CPEB3: variants seen among roughly 807,000 people sequenced by gnomAD.
CPEB3 encodes the protein cytoplasmic polyadenylation element binding protein 3.
Under a neutral mutation model 67.2 loss-of-function variants are expected in CPEB3, and 20 were observed. The ratio of observed to expected loss-of-function variants is 0.30; its 90% CI spans 0.21 to 0.43. The LOEUF (loss-of-function observed/expected upper bound fraction) is 0.43. Among genes scored for constraint, CPEB3 ranks in the 20% least tolerant of loss-of-function variants. The pLI is 1.00. For missense variants in CPEB3, 746 were observed against 968.6 expected, an observed-to-expected ratio of 0.77 and a Z score of 3.05; for synonymous variants, 376 against 393.1, an observed-to-expected ratio of 0.96 and a Z score of 0.51.
chr10:92,093,916 A>G (rs1843732429), intron 7 of CPEB3, among the ~76,000 whole-genome samples: 1 of 152,094 alleles, frequency 6.6e-6, no homozygotes. Flanking sequence ...GTACAGTGGC[A>G]TGATCTCGGC....
At chr10:92,169,148 T>G (rs969502421) in intron 4 of CPEB3, among the ~76,000 whole-genome samples, 2 of 149,770 alleles carry the variant, frequency 1.3e-5, no homozygotes, top group African/African-American at 4.9e-5. Context: ...TTTGTTGTTT[T>G]TTTTTTTGAG....
intron 6 of CPEB3, among the ~76,000 whole-genome samples, chr10:92,123,455 C>T (rs191608137): frequency 1.9e-4 from 29 of 152,344 alleles, no homozygotes; most frequent in African/African-American, 6.7e-4. Flanking sequence ...AGTGCTTTCA[C>T]ACACTGCCTC....
rs533412524 is a variant in CPEB3 at position 92,084,105 on chromosome 10, C to A, written c.1688-2604G>T. 1.6e-4 allele frequency among the ~76,000 whole-genome samples: 23 copies of A among 143,426 alleles called. No homozygotes were observed. In the South Asian group the frequency reaches 4.9e-3, roughly 31 times the overall value. 94.1% of individuals were successfully genotyped at this position (143,426 alleles called of 152,430 possible). A position where few individuals can be genotyped will look rare whatever the true frequency, so the allele number is the denominator to read the frequency against. On this transcript the variant is annotated intron_variant, in intron 8 of 9. Transcript: ENST00000265997. Reference sequence around the variant, plus strand: ...GCATGAACCTGGGAGCTGGACCTTGCAGTGAGCCGAGATCACGCCACTGCA... The same window carrying A: ...GCATGAACCTGGGAGCTGGACCTTGAAGTGAGCCGAGATCACGCCACTGCA...
At chr10:92,110,984 T>C in intron 7 of CPEB3, 92 bp downstream of exon 7, 1 of 946,884 alleles carries the variant, frequency 1.1e-6, no homozygotes, top group Non-Finnish European at 1.7e-6. Context: ...AGGATCCTAG[T>C]TACCAGCATT....
At chr10:92,138,354 T>C (rs1012036495) in intron 6 of CPEB3, 1 of 206,896 alleles carries the variant, frequency 4.8e-6, no homozygotes, top group Non-Finnish European at 1.0e-5. Flanking sequence ...TGGCCCTCAA[T>C]GTTGCTGACC....
chr10:92,090,752 AT>A (rs1286351214), intron 8 of CPEB3, among the ~76,000 whole-genome samples: 1 of 152,166 alleles, frequency 6.6e-6, no homozygotes, highest in East Asian at 1.9e-4. Context: ...AAAGGGCTGC[AT>A]TTGCCCCCAT....
At chr10:92,169,458 A>G (rs138325202) in intron 4 of CPEB3, among the ~76,000 whole-genome samples, 58 of 152,324 alleles carry the variant, frequency 3.8e-4, no homozygotes, top group African/African-American at 1.4e-3. Context: ...TCTTTATAGC[A>G]GTGTGAGAAT....
At chr10:92,127,631 A>G (rs147109162) in intron 6 of CPEB3, among the ~76,000 whole-genome samples, 2,418 of 152,248 alleles carry the variant, frequency 0.016, 61 homozygotes, top group African/African-American at 0.056. Context: ...GTAGGCCAAG[A>G]CTGTGCCATT....
intron 6 of CPEB3, among the ~76,000 whole-genome samples, chr10:92,113,753 T>C (rs1844865661): frequency 6.6e-6 from 1 of 152,190 alleles, no homozygotes; most frequent in South Asian, 2.1e-4. Flanking sequence ...AAAAGGCGGT[T>C]GTCTCCCTAT....
intron 6 of CPEB3, chr10:92,118,879 T>C: frequency 2.4e-6 from 2 of 833,204 alleles, no homozygotes; most frequent in Non-Finnish European, 4.3e-6. Flanking sequence ...ATGACACTGG[T>C]ACTGCTTTGA....
At chr10:92,104,499 G>A (rs1261336717) in intron 7 of CPEB3, among the ~76,000 whole-genome samples, 3 of 149,696 alleles carry the variant, frequency 2.0e-5, no homozygotes, top group Non-Finnish European at 4.4e-5. Flanking sequence ...CCATTCTCCT[G>A]CCTCAGCCTC....
At chr10:92,107,539 G>T (rs1231997750) in intron 7 of CPEB3, among the ~76,000 whole-genome samples, 1 of 152,130 alleles carries the variant, frequency 6.6e-6, no homozygotes, top group African/African-American at 2.4e-5. Context: ...CTATTAGCTT[G>T]CTGTCTTGAA....
At chr10:92,137,361 C>G in intron 6 of CPEB3, 1 of 1,024,720 alleles carries the variant, frequency 9.8e-7, no homozygotes, top group Non-Finnish European at 1.4e-6. Context: ...ACCAGAGATA[C>G]CTGTCTCCCA....
chr10:92,076,146 T>C (rs1262913405), intron 9 of CPEB3: 2 of 152,202 alleles, frequency 1.3e-5, no homozygotes, highest in Admixed American at 6.5e-5. Flanking sequence ...TTTTAAAAAT[T>C]CACTGCATCT....
chr10:92,256,584 AC>A, intron 1 of CPEB3, among the ~76,000 whole-genome samples: 1 of 151,926 alleles, frequency 6.6e-6, no homozygotes, highest in Admixed American at 6.6e-5. Context: ...ATGGGGTTTC[AC>A]CATGTTGGCC....
chr10:92,124,986 T>A (rs564564875), intron 6 of CPEB3, among the ~76,000 whole-genome samples: 1 of 152,368 alleles, frequency 6.6e-6, no homozygotes, highest in South Asian at 2.1e-4. Context: ...CTGAATAGTA[T>A]GTGGCCTGGC....
intron 4 of CPEB3, among the ~76,000 whole-genome samples, chr10:92,152,145 T>A (rs940152809): frequency 3.3e-5 from 5 of 152,204 alleles, no homozygotes; most frequent in African/African-American, 1.2e-4. Flanking sequence ...TACTCCTCCA[T>A]CACCTACCAA....
intron 6 of CPEB3, among the ~76,000 whole-genome samples, chr10:92,136,506 C>T (rs1846103537): frequency 6.6e-6 from 1 of 152,122 alleles, no homozygotes; most frequent in Admixed American, 6.6e-5. Flanking sequence ...AACTAATAAT[C>T]TGATTTAAAA....
chr10:92,162,559 G>GA (rs1186599454), intron 4 of CPEB3, among the ~76,000 whole-genome samples: 1 of 151,870 alleles, frequency 6.6e-6, no homozygotes, highest in East Asian at 1.9e-4. Flanking sequence ...ATTAAAAATT[G>GA]AAAAAAATGC....
Sources: gnomAD v4.1 joint callset for allele counts (sites outside exome capture counted in the v4.1 genomes callset) on GRCh38, gnomAD v4.1.1 for gene constraint, MANE v1.5 for transcripts, NCBI Gene and HGNC (gene_info 2026-07-23, HGNC 2026-07-21) for gene names.